The following ASTN2 variants were observed in gnomAD, a reference collection of about 807,000 sequenced individuals.
ASTN2 encodes astrotactin 2, also known as astrotactin-2.
In ASTN2, 54 loss-of-function variants were observed where a neutral mutation model predicts 139.8. That is an observed-to-expected ratio of 0.39 (90% confidence interval 0.31 to 0.48). The LOEUF (loss-of-function observed/expected upper bound fraction) is 0.48. Ranked by LOEUF, ASTN2 falls within the 20% of genes least tolerant of loss-of-function variation. The pLI, the probability that ASTN2 is intolerant of heterozygous loss-of-function variation, is 0.95. For missense variants in ASTN2, 1,565 were observed against 1,725.1 expected (o/e 0.91, Z 1.64); for synonymous variants, 756 against 719.5 (o/e 1.05, Z -0.81).
At chr9:117,331,185 G>A (rs1443315529) in intron 1 of ASTN2, among the ~76,000 whole-genome samples, 4 of 152,206 alleles carry the variant, frequency 2.6e-5, no homozygotes, top group Admixed American at 2.6e-4. Context: ...TAAGTTGGAG[G>A]CAGAGTCTCA....
chr9:116,961,423 A>G (rs1245705104), intron 10 of ASTN2, among the ~76,000 whole-genome samples: 2 of 152,064 alleles, frequency 1.3e-5, no homozygotes, highest in East Asian at 3.9e-4. Flanking sequence ...TTCTGTTTCT[A>G]TGATTTTGGC....
At chr9:116,937,428 G>A (rs972602922) in intron 10 of ASTN2, among the ~76,000 whole-genome samples, 2 of 152,088 alleles carry the variant, frequency 1.3e-5, no homozygotes, top group Non-Finnish European at 2.9e-5. Context: ...GATCTCATTT[G>A]GGACTTCATT....
chr9:116,606,204 C>T (rs1285585452), intron 19 of ASTN2, among the ~76,000 whole-genome samples: 1 of 152,144 alleles, frequency 6.6e-6, no homozygotes, highest in African/African-American at 2.4e-5. Context: ...CTGCTCAAAA[C>T]AACTGGAACA....
At chr9:116,759,188 T>C (rs1370418113) in intron 13 of ASTN2, among the ~76,000 whole-genome samples, 3 of 152,176 alleles carry the variant, frequency 2.0e-5, no homozygotes, top group Non-Finnish European at 4.4e-5. Flanking sequence ...CCCATGGCAT[T>C]CTTAATATCT....
chr9:116,569,686 T>C (rs371784320), intron 19 of ASTN2, among the ~76,000 whole-genome samples: 7 of 152,204 alleles, frequency 4.6e-5, no homozygotes, highest in Non-Finnish European at 1.0e-4. Context: ...AAACTCAAGA[T>C]GCCAGAGATC....
intron 19 of ASTN2, among the ~76,000 whole-genome samples, chr9:116,613,945 T>G (rs1056742934): frequency 6.6e-6 from 1 of 152,184 alleles, no homozygotes; most frequent in Admixed American, 6.5e-5. Context: ...TGTCCCTGTT[T>G]GCAGATGACA....
intron 19 of ASTN2, among the ~76,000 whole-genome samples, chr9:116,547,926 G>A (rs1258053907): frequency 6.6e-6 from 1 of 152,066 alleles, no homozygotes; most frequent in Non-Finnish European, 1.5e-5. Context: ...GGCTGTCTGA[G>A]GCAGCAGCTG....
intron 17 of ASTN2, among the ~76,000 whole-genome samples, chr9:116,627,262 G>A (rs377546322): frequency 2.2e-4 from 34 of 152,238 alleles, no homozygotes; most frequent in South Asian, 1.2e-3. Flanking sequence ...GGGAGTAGCC[G>A]AGCAATGGGA....
intron 19 of ASTN2, among the ~76,000 whole-genome samples, chr9:116,599,373 A>T (rs575708563): frequency 6.6e-6 from 1 of 152,346 alleles, no homozygotes; most frequent in African/African-American, 2.4e-5. Flanking sequence ...CAGATAAGCG[A>T]GAGTATTGTA....
rs766053427 is a variant in ASTN2 at position 116,707,285 on chromosome 9, CAAAAAAAAAAAAAA to C, written c.2806+18472_2806+18485del. ...GCCCTATGCCACTATGCCCCCTGAC[CAAAAAAAAAAAAAA>C]AAAAAAAAAAAAATTCCTGATCCTA... On this transcript the variant is annotated intron_variant, in intron 16 of 22. Transcript: ENST00000313400. Among the ~76,000 whole-genome samples, 402 of 60,630 alleles carry C rather than the reference CAAAAAAAAAAAAAA, an allele frequency of 6.6e-3. 2 individuals are homozygous for C. Among genetic ancestry groups the C allele is most frequent in the African/African-American group, 0.024 (371 of 15,694 alleles). 39.8% of individuals were successfully genotyped at this position (60,630 alleles called of 152,430 possible). A position where few individuals can be genotyped will look rare whatever the true frequency, so the allele number is the denominator to read the frequency against.
At chr9:116,787,778 G>A (rs530090519) in intron 13 of ASTN2, among the ~76,000 whole-genome samples, 86 of 152,194 alleles carry the variant, frequency 5.7e-4, no homozygotes, top group Non-Finnish European at 1.1e-3. Context: ...TATGCTGAAT[G>A]GGCTCCTGTA....
At chr9:117,324,892 T>C (rs191766612) in intron 1 of ASTN2, among the ~76,000 whole-genome samples, 42 of 152,236 alleles carry the variant, frequency 2.8e-4, no homozygotes, top group Non-Finnish European at 3.2e-4. Flanking sequence ...CTGTCTACTC[T>C]ACCCTCAAAA....
At chr9:117,053,620 T>C (rs1838977073) in intron 5 of ASTN2, among the ~76,000 whole-genome samples, 1 of 152,174 alleles carries the variant, frequency 6.6e-6, no homozygotes, top group African/African-American at 2.4e-5. Context: ...CTGGCTCTTC[T>C]CAGTTCTCAC....
chr9:117,274,634 T>C (rs1324048487), intron 2 of ASTN2, among the ~76,000 whole-genome samples: 1 of 152,224 alleles, frequency 6.6e-6, no homozygotes, highest in Non-Finnish European at 1.5e-5. Context: ...AAGAAAGGCT[T>C]CACAACACTG....
intron 20 of ASTN2, among the ~76,000 whole-genome samples, chr9:116,454,594 G>A (rs1848271140): frequency 6.6e-6 from 1 of 152,148 alleles, no homozygotes; most frequent in African/African-American, 2.4e-5. Flanking sequence ...ATACACATAT[G>A]TTTATTGTGG....
chr9:116,857,958 AT>A (rs962068517), intron 11 of ASTN2, among the ~76,000 whole-genome samples: 24 of 152,246 alleles, frequency 1.6e-4, no homozygotes, highest in African/African-American at 5.1e-4. Context: ...GGATCTTGGG[AT>A]GGTCCCTTGG....
At chr9:116,678,781 T>A (rs1031333676) in intron 16 of ASTN2, among the ~76,000 whole-genome samples, 2 of 152,160 alleles carry the variant, frequency 1.3e-5, no homozygotes, top group Non-Finnish European at 2.9e-5. Context: ...ATAACCAGGT[T>A]TTCTTAGAAA....
At chr9:116,494,756 T>C (rs1269953441) in intron 19 of ASTN2, among the ~76,000 whole-genome samples, 1 of 152,172 alleles carries the variant, frequency 6.6e-6, no homozygotes, top group Non-Finnish European at 1.5e-5. Flanking sequence ...CATCTGTAAA[T>C]AACTTTCTCA....
At chr9:116,462,613 T>C (rs1187755410) in intron 20 of ASTN2, among the ~76,000 whole-genome samples, 1 of 152,198 alleles carries the variant, frequency 6.6e-6, no homozygotes, top group Non-Finnish European at 1.5e-5. Context: ...AAACTCACTG[T>C]TGACTCCCTG....
Sources: allele counts gnomAD v4.1 joint callset (sites outside exome capture counted in the v4.1 genomes callset), GRCh38; gene constraint gnomAD v4.1.1; transcripts MANE v1.5; gene names NCBI Gene and HGNC (gene_info 2026-07-23, HGNC 2026-07-21).